MAGI2: variants seen among roughly 807,000 people sequenced by gnomAD.
MAGI2 encodes membrane-associated guanylate kinase, WW and PDZ domain-containing protein 2.
In MAGI2, 35 loss-of-function variants were observed where a neutral mutation model predicts 133.3. The ratio of observed to expected loss-of-function variants is 0.26; its 90% CI spans 0.20 to 0.35. The LOEUF is 0.35. MAGI2 is among the 10% of genes least tolerant of loss of function. MAGI2 has a pLI of 1.00. For synonymous variants in MAGI2, 729 were observed against 710.6 expected (o/e 1.03, Z -0.41); for missense variants, 1,636 against 1,863.4 (o/e 0.88, Z 2.25).
chr7:78,962,377 T>C (rs1802917121), intron 2 of MAGI2, among the ~76,000 whole-genome samples: 1 of 152,078 alleles, frequency 6.6e-6, no homozygotes, highest in South Asian at 2.1e-4. Context: ...TCTTAAACTA[T>C]TTAGTATGAC....
intron 1 of MAGI2, among the ~76,000 whole-genome samples, chr7:79,247,929 C>T (rs536387679): frequency 5.9e-5 from 9 of 151,622 alleles, no homozygotes; most frequent in Admixed American, 2.6e-4. Context: ...CTCCATTTAA[C>T]GGAAGTCAGG....
intron 2 of MAGI2, among the ~76,000 whole-genome samples, chr7:78,689,197 T>C (rs1397327231): frequency 6.6e-6 from 1 of 152,178 alleles, no homozygotes; most frequent in Non-Finnish European, 1.5e-5. Flanking sequence ...ATATTACATT[T>C]TAGTAAATGT....
chr7:78,801,189 T>TG (rs1278402774), intron 2 of MAGI2, among the ~76,000 whole-genome samples: 1 of 152,140 alleles, frequency 6.6e-6, no homozygotes, highest in African/African-American at 2.4e-5. Flanking sequence ...TCAAAAGAAA[T>TG]TTTTTCCTCA....
At chr7:78,458,112 A>G (rs545128165) in intron 6 of MAGI2, among the ~76,000 whole-genome samples, 2 of 152,042 alleles carry the variant, frequency 1.3e-5, no homozygotes, top group African/African-American at 2.4e-5. Flanking sequence ...CCTGGCCAAC[A>G]TGGTGAAACA....
intron 1 of MAGI2, among the ~76,000 whole-genome samples, chr7:79,446,083 G>A (rs566412613): frequency 3.4e-4 from 52 of 152,230 alleles, no homozygotes; most frequent in Non-Finnish European, 4.6e-4. Flanking sequence ...ACCAAACACC[G>A]CATGTTCTCA....
intron 1 of MAGI2, among the ~76,000 whole-genome samples, chr7:79,084,617 C>T (rs1018459522): frequency 6.6e-6 from 1 of 151,690 alleles, no homozygotes; most frequent in Non-Finnish European, 1.5e-5. Context: ...GATTCTAGTG[C>T]TATTTTCTGA....
At chr7:78,870,326 C>T (rs1174000962) in intron 2 of MAGI2, among the ~76,000 whole-genome samples, 5 of 147,076 alleles carry the variant, frequency 3.4e-5, no homozygotes, top group Non-Finnish European at 7.4e-5. Context: ...CAGACTCTTG[C>T]CTGGGTGACA....
intron 6 of MAGI2, among the ~76,000 whole-genome samples, chr7:78,433,483 G>A (rs12234628): frequency 0.018 from 2,777 of 151,978 alleles, 47 homozygotes; most frequent in South Asian, 0.074. Flanking sequence ...TCTTTCTATC[G>A]AAAAATCTTC....
intron 2 of MAGI2, among the ~76,000 whole-genome samples, chr7:78,710,140 C>T (rs1357470475): frequency 6.6e-6 from 1 of 152,052 alleles, no homozygotes; most frequent in Non-Finnish European, 1.5e-5. Context: ...TACATATTAC[C>T]ACATACTAAG....
At chr7:79,216,693 C>T (rs953925805) in intron 1 of MAGI2, among the ~76,000 whole-genome samples, 18 of 152,040 alleles carry the variant, frequency 1.2e-4, no homozygotes, top group Admixed American at 2.6e-4. Context: ...CTGCAAGGGG[C>T]GTCAGGGAAC....
chr7:79,381,436 A>T (rs926225873), intron 1 of MAGI2, among the ~76,000 whole-genome samples: 15 of 151,886 alleles, frequency 9.9e-5, no homozygotes, highest in African/African-American at 3.4e-4. Context: ...TATACTCTCA[A>T]TTTGATATAT....
At chr7:78,350,783 C>T (rs1052817296) in intron 7 of MAGI2, among the ~76,000 whole-genome samples, 2 of 152,106 alleles carry the variant, frequency 1.3e-5, no homozygotes, top group African/African-American at 4.8e-5. Context: ...ATACTGAGCC[C>T]ATCAGTATGC....
At chr7:78,506,426 T>C (rs1173786630) in intron 4 of MAGI2, among the ~76,000 whole-genome samples, 2 of 152,164 alleles carry the variant, frequency 1.3e-5, no homozygotes, top group African/African-American at 4.8e-5. Flanking sequence ...GATGGTACTA[T>C]AATTTTAGCC....
chr7:79,426,614 T>A (rs1032046627), intron 1 of MAGI2, among the ~76,000 whole-genome samples: 5 of 152,320 alleles, frequency 3.3e-5, no homozygotes, highest in South Asian at 2.1e-4. Flanking sequence ...ATAACTAGAA[T>A]CATCAAAGAA....
chr7:79,427,039 T>G (rs1054155360), intron 1 of MAGI2, among the ~76,000 whole-genome samples: 1 of 152,172 alleles, frequency 6.6e-6, no homozygotes, highest in African/African-American at 2.4e-5. Context: ...TATAAAATAT[T>G]GTTATGATTT....
chr7:78,160,298 A>C (rs899209205), intron 15 of MAGI2, 25 bp from the exon 16 acceptor site: 1 of 1,548,410 alleles, frequency 6.5e-7, no homozygotes, highest in African/African-American at 1.4e-5. Flanking sequence ...ACACACAGGT[A>C]ATCAATTACC....
At chr7:79,317,008 T>G (rs1838779902) in intron 1 of MAGI2, among the ~76,000 whole-genome samples, 1 of 147,600 alleles carries the variant, frequency 6.8e-6, no homozygotes, top group South Asian at 2.1e-4. Context: ...AGGGTTTTTT[T>G]TTTTCTTTTT....
chr7:78,044,109 T>C (rs1811146079), intron 21 of MAGI2, among the ~76,000 whole-genome samples: 1 of 152,250 alleles, frequency 6.6e-6, no homozygotes, highest in South Asian at 2.1e-4. Context: ...CATTATTCTA[T>C]TATTTTATGA....
chr7:79,071,558 T>G (rs1231570740), intron 1 of MAGI2, among the ~76,000 whole-genome samples: 6 of 152,012 alleles, frequency 3.9e-5, no homozygotes, highest in Non-Finnish European at 4.4e-5. Context: ...CAGCCGCCCC[T>G]TCCCCCAGGT....
Sources: gnomAD v4.1 joint callset for allele counts (sites outside exome capture counted in the v4.1 genomes callset) on GRCh38, gnomAD v4.1.1 for gene constraint, MANE v1.5 for transcripts, NCBI Gene and HGNC (gene_info 2026-07-23, HGNC 2026-07-21) for gene names.